The following FLT1 variants were observed in gnomAD, a reference collection of about 807,000 sequenced individuals.
FLT1 encodes the protein fms related receptor tyrosine kinase 1.
A neutral mutation model predicts 156.3 loss-of-function variants in FLT1; 49 were observed. The ratio of observed to expected loss-of-function variants is 0.31; its 90% CI spans 0.25 to 0.40. FLT1 has a LOEUF of 0.40. FLT1 is among the 10% of genes least tolerant of loss of function. FLT1 has a pLI of 1.00. For synonymous variants in FLT1, 594 were observed against 583.8 expected (o/e 1.02, Z -0.25); for missense variants, 1,322 against 1,637.2 (o/e 0.81, Z 3.32).
At chr13:28,395,487 A>C (rs192165223) in intron 12 of FLT1, among the ~76,000 whole-genome samples, 244 of 152,342 alleles carry the variant, frequency 1.6e-3, no homozygotes, top group Non-Finnish European at 2.5e-3. Flanking sequence ...ATTTAAATTG[A>C]TTTAAGTGTA....
intron 1 of FLT1, among the ~76,000 whole-genome samples, chr13:28,468,265 C>G (rs902864822): frequency 2.0e-5 from 3 of 152,164 alleles, no homozygotes. Flanking sequence ...TACAATGGTA[C>G]AGTCAAAAGG....
intron 18 of FLT1, among the ~76,000 whole-genome samples, chr13:28,332,348 G>A (rs1024053023): frequency 1.3e-5 from 2 of 152,108 alleles, no homozygotes; most frequent in African/African-American, 4.8e-5. Flanking sequence ...TTTATAGGCA[G>A]GGCCACAGGT....
intron 1 of FLT1, among the ~76,000 whole-genome samples, chr13:28,476,169 T>C (rs1880533619): frequency 6.6e-6 from 1 of 152,034 alleles, no homozygotes; most frequent in South Asian, 2.1e-4. Context: ...ATGCATACAC[T>C]TTTCTCTCCA....
rs1448933663 is a variant in FLT1, at chr13:28,473,773, GGAAGGAAAGAAAGAAAGAAA to G, written c.65-6176_65-6157del. Among the ~76,000 whole-genome samples, 169 of 84,610 alleles carry G rather than the reference GGAAGGAAAGAAAGAAAGAAA, an allele frequency of 2.0e-3. 4 individuals carry two copies. The highest frequency in any genetic ancestry group is 7.7e-3 in the East Asian group (26 of 3,362). The allele number at this position is 84,610 out of a possible 152,430, so 55.5% of individuals were successfully genotyped here. A position where few individuals can be genotyped will look rare whatever the true frequency, so the allele number is the denominator to read the frequency against. ...AGGAAGGAAGGAAGGAAGGAAGGAA[GGAAGGAAAGAAAGAAAGAAA>G]GAAAGAAAGAAAGAAAGAAAGAAAG... On this transcript the variant is annotated intron_variant, in intron 1 of 29. Transcript: ENST00000282397.
At chr13:28,481,448 C>CACAT (rs1458413743) in intron 1 of FLT1, among the ~76,000 whole-genome samples, 23 of 148,898 alleles carry the variant, frequency 1.5e-4, no homozygotes, top group African/African-American at 4.0e-4. Context: ...CTTATACACA[C>CACAT]ACACACACAC....
intron 10 of FLT1, among the ~76,000 whole-genome samples, chr13:28,417,634 C>T (rs1476694657): frequency 1.3e-5 from 2 of 150,716 alleles, no homozygotes; most frequent in Admixed American, 1.3e-4. Flanking sequence ...AAAACAATCT[C>T]TTTTTAAAAA....
intron 3 of FLT1, among the ~76,000 whole-genome samples, chr13:28,460,375 C>T (rs930752542): frequency 6.6e-6 from 1 of 152,174 alleles, no homozygotes; most frequent in Non-Finnish European, 1.5e-5. Context: ...AACTGGGGGA[C>T]TTCACAATTG....
chr13:28,335,918 G>T (rs1872101007), intron 17 of FLT1, among the ~76,000 whole-genome samples: 1 of 152,184 alleles, frequency 6.6e-6, no homozygotes, highest in African/African-American at 2.4e-5. Context: ...AACAGCGCTG[G>T]CAGATGCCTT....
In FLT1 at chr13:28,489,346, A is replaced by G. The variant is rs138620213; in HGVS notation, c.64+5434T>C. On this transcript the variant is annotated intron_variant, in intron 1 of 29. Coordinates refer to ENST00000282397, the MANE Select transcript of FLT1 (RefSeq NM_002019.4). ...ATTCATTCATTTACTCATTCGTTCCAACACTTACCGAGAGTCTCTGTACTA... is the reference window on the plus strand; with the variant it reads ...ATTCATTCATTTACTCATTCGTTCCGACACTTACCGAGAGTCTCTGTACTA... 1.9e-4 allele frequency among the ~76,000 whole-genome samples: 29 copies of G among 152,320 alleles called. 1 individual carries two copies. The East Asian group carries it at 5.6e-3, about 29-fold the overall frequency.
chr13:28,481,777 G>A (rs374149161), intron 1 of FLT1, among the ~76,000 whole-genome samples: 1 of 152,194 alleles, frequency 6.6e-6, no homozygotes, highest in African/African-American at 2.4e-5. Context: ...GAGATCTCCT[G>A]CAAACTATGT....
At chr13:28,468,371 C>T (rs187173724) in intron 1 of FLT1, among the ~76,000 whole-genome samples, 1 of 152,326 alleles carries the variant, frequency 6.6e-6, no homozygotes, top group East Asian at 1.9e-4. Context: ...AAAATCTACA[C>T]ATCTCCATAT....
chr13:28,412,369 TTTC>T (rs1489765707), intron 10 of FLT1, among the ~76,000 whole-genome samples: 133 of 83,110 alleles, frequency 1.6e-3, no homozygotes, highest in East Asian at 4.3e-3. Flanking sequence ...TCTTTCTTTC[TTTC>T]TTTCTTTCTT....
At chr13:28,379,205 T>C (rs1330224861) in intron 14 of FLT1, among the ~76,000 whole-genome samples, 1 of 152,134 alleles carries the variant, frequency 6.6e-6, no homozygotes, top group Non-Finnish European at 1.5e-5. Context: ...TAGCCTGGCG[T>C]TGTGGCATGC....
At chr13:28,347,452 C>T (rs536763530) in intron 15 of FLT1, among the ~76,000 whole-genome samples, 18 of 152,130 alleles carry the variant, frequency 1.2e-4, no homozygotes, top group African/African-American at 3.6e-4. Context: ...ACCCAGGAGG[C>T]GGAGGTTGCA....
At chr13:28,454,709 T>G (rs1879165337) in intron 3 of FLT1, among the ~76,000 whole-genome samples, 1 of 152,074 alleles carries the variant, frequency 6.6e-6, no homozygotes, top group Non-Finnish European at 1.5e-5. Flanking sequence ...AAAATAAAAT[T>G]GCCTTTGTTC....
chr13:28,355,987 G>T (rs557137093), intron 15 of FLT1, among the ~76,000 whole-genome samples: 1 of 152,138 alleles, frequency 6.6e-6, no homozygotes, highest in Non-Finnish European at 1.5e-5. Flanking sequence ...ACGCAAAAAC[G>T]TCACTGCTTC....
chr13:28,463,857 T>C (rs549514300), intron 3 of FLT1, among the ~76,000 whole-genome samples: 1 of 152,178 alleles, frequency 6.6e-6, no homozygotes, highest in Non-Finnish European at 1.5e-5. Context: ...AAAGTTATGA[T>C]TGTTTAATGG....
At chr13:28,372,602 A>ATATATATATATAT (rs1281561806) in intron 14 of FLT1, among the ~76,000 whole-genome samples, 2 of 120,558 alleles carry the variant, frequency 1.7e-5, no homozygotes, top group African/African-American at 3.2e-5. Context: ...ATATATATAT[A>ATATATATATATAT]GCTGGGTGCA....
At chr13:28,318,498 A>G (rs113101702) in intron 24 of FLT1, among the ~76,000 whole-genome samples, 2 of 152,140 alleles carry the variant, frequency 1.3e-5, no homozygotes, top group African/African-American at 4.8e-5. Context: ...AGCCTCATCT[A>G]CCTCAGCATT....
Sources: allele counts gnomAD v4.1 joint callset (sites outside exome capture counted in the v4.1 genomes callset), GRCh38; gene constraint gnomAD v4.1.1; transcripts MANE v1.5; gene names NCBI Gene and HGNC (gene_info 2026-07-23, HGNC 2026-07-21).